Variants in LRP1B observed in about 807,000 individuals in gnomAD.
The protein encoded by LRP1B is low-density lipoprotein receptor-related protein 1B.
LRP1B carries 217 observed loss-of-function variants against 556.6 expected under a neutral mutation model. That is an observed-to-expected ratio of 0.39 (90% CI 0.35 to 0.44). The LOEUF (loss-of-function observed/expected upper bound fraction) is 0.44, where lower values mean the gene tolerates loss of function less well. Ranked by LOEUF, LRP1B falls within the 20% of genes least tolerant of loss-of-function variation. LRP1B has a pLI of 1.00. For missense variants in LRP1B, 5,053 were observed against 5,620.8 expected (o/e 0.90, Z 3.23); for synonymous variants, 2,047 against 1,865.8 (o/e 1.10, Z -2.50).
At chr2:141,909,378 CTTAA>C (rs1699842360) in intron 1 of LRP1B, among the ~76,000 whole-genome samples, 3 of 151,952 alleles carry the variant, frequency 2.0e-5, no homozygotes, top group Admixed American at 6.6e-5. Context: ...TTGGATGATG[CTTAA>C]TTGTTAGATT....
chr2:142,017,301 T>C (rs1703178635), intron 1 of LRP1B, among the ~76,000 whole-genome samples: 1 of 152,186 alleles, frequency 6.6e-6, no homozygotes, highest in Admixed American at 6.5e-5. Context: ...TGCAGGCAGA[T>C]ATATTGAAAC....
At chr2:140,689,355 C>T (rs990356483) in intron 41 of LRP1B, among the ~76,000 whole-genome samples, 8 of 152,140 alleles carry the variant, frequency 5.3e-5, no homozygotes, top group African/African-American at 1.7e-4. Flanking sequence ...CTATTCTGTA[C>T]CTCACTTCCA....
chr2:141,593,849 G>T (rs1282301256), intron 2 of LRP1B, among the ~76,000 whole-genome samples: 1 of 152,060 alleles, frequency 6.6e-6, no homozygotes, highest in East Asian at 1.9e-4. Context: ...GGCAGATAGG[G>T]ACGTGTCCCT....
At chr2:140,946,940 G>A (rs1434084671) in intron 20 of LRP1B, among the ~76,000 whole-genome samples, 1 of 152,150 alleles carries the variant, frequency 6.6e-6, no homozygotes, top group Non-Finnish European at 1.5e-5. Context: ...CCATATATTA[G>A]ATGTTCTTAC....
chr2:140,529,999 A>G (rs906802630), intron 47 of LRP1B, among the ~76,000 whole-genome samples: 2 of 152,054 alleles, frequency 1.3e-5, no homozygotes, highest in Non-Finnish European at 2.9e-5. Flanking sequence ...AAGAGAAGAA[A>G]CCAAAAGCAA....
At chr2:140,441,542 C>A (rs1686426254) in intron 66 of LRP1B, among the ~76,000 whole-genome samples, 1 of 152,086 alleles carries the variant, frequency 6.6e-6, no homozygotes, top group African/African-American at 2.4e-5. Context: ...GTTATTATTG[C>A]CAGCACTTAC....
chr2:140,312,343 T>C (rs1291357358), intron 83 of LRP1B, among the ~76,000 whole-genome samples: 1 of 152,048 alleles, frequency 6.6e-6, no homozygotes, highest in Non-Finnish European at 1.5e-5. Context: ...GTACAAACCC[T>C]CTAGTTCCAT....
intron 35 of LRP1B, among the ~76,000 whole-genome samples, chr2:140,753,550 G>A (rs1404205633): frequency 6.6e-6 from 1 of 152,066 alleles, no homozygotes; most frequent in Non-Finnish European, 1.5e-5. Flanking sequence ...TACATAACTG[G>A]TGAGAATTAT....
chr2:140,787,601 C>T (rs1426169551), intron 32 of LRP1B, among the ~76,000 whole-genome samples: 1 of 87,414 alleles, frequency 1.1e-5, no homozygotes, highest in Non-Finnish European at 2.0e-5. Flanking sequence ...GACAGGTTCT[C>T]ATTCTGTCAT....
intron 7 of LRP1B, among the ~76,000 whole-genome samples, chr2:141,167,600 GATAT>G: frequency 6.6e-6 from 1 of 151,714 alleles, no homozygotes; most frequent in East Asian, 1.9e-4. Context: ...TCATATAGGT[GATAT>G]ATATATCATA....
At chr2:140,458,417 A>G (rs1439169820) in intron 60 of LRP1B, among the ~76,000 whole-genome samples, 1 of 152,156 alleles carries the variant, frequency 6.6e-6, no homozygotes, top group Non-Finnish European at 1.5e-5. Flanking sequence ...TCCAGTAAAT[A>G]AGATATGGTA....
chr2:141,639,325 T>TAC (rs1689228803), intron 2 of LRP1B, among the ~76,000 whole-genome samples: 5 of 21,174 alleles, frequency 2.4e-4, no homozygotes, highest in Non-Finnish European at 5.2e-4. Context: ...TATATATATA[T>TAC]ATATATATAT....
chr2:140,361,389 A>ATATATATATATACATATATATAT (rs1321344669), intron 72 of LRP1B, among the ~76,000 whole-genome samples: 1 of 99,286 alleles, frequency 1.0e-5, no homozygotes, highest in East Asian at 3.4e-4. Flanking sequence ...TAACAAAAAT[A>ATATATATATATACATATATATAT]AGTAGAAATA....
intron 1 of LRP1B, among the ~76,000 whole-genome samples, chr2:141,912,481 T>A (rs936757376): frequency 3.5e-4 from 53 of 151,894 alleles, no homozygotes; most frequent in African/African-American, 1.2e-3. Flanking sequence ...TCGGGGCAAA[T>A]CATCAAATAA....
chr2:140,913,991 T>G (rs571914250), intron 21 of LRP1B, among the ~76,000 whole-genome samples: 1 of 152,238 alleles, frequency 6.6e-6, no homozygotes, highest in South Asian at 2.1e-4. Flanking sequence ...AAAGCAATAA[T>G]GAAGCAGTTT....
At chr2:140,440,927 C>T (rs1027474451) in intron 66 of LRP1B, among the ~76,000 whole-genome samples, 1 of 151,912 alleles carries the variant, frequency 6.6e-6, no homozygotes, top group Non-Finnish European at 1.5e-5. Flanking sequence ...GTCAAATAAC[C>T]CTGTTATTTG....
At chr2:141,034,883 T>C (rs1334252889) in intron 11 of LRP1B, among the ~76,000 whole-genome samples, 2 of 151,974 alleles carry the variant, frequency 1.3e-5, no homozygotes, top group African/African-American at 4.8e-5. Context: ...CTATGATTCA[T>C]GCTGCTATAA....
intron 66 of LRP1B, among the ~76,000 whole-genome samples, chr2:140,438,668 CTAGT>C (rs1308020960): frequency 6.6e-6 from 1 of 152,118 alleles, no homozygotes; most frequent in African/African-American, 2.4e-5. Context: ...TTCACAAGCC[CTAGT>C]TAGTGTGATT....
At chr2:141,368,655 C>T (rs1382606637) in intron 3 of LRP1B, among the ~76,000 whole-genome samples, 2 of 152,252 alleles carry the variant, frequency 1.3e-5, no homozygotes, top group East Asian at 3.9e-4. Context: ...GGGAATGATA[C>T]CCAGGCTGTT....
Sources: allele counts gnomAD v4.1 joint callset (sites outside exome capture counted in the v4.1 genomes callset), GRCh38; gene constraint gnomAD v4.1.1; transcripts MANE v1.5; gene names NCBI Gene and HGNC (gene_info 2026-07-23, HGNC 2026-07-21).